Variants in LRRTM4 observed in about 807,000 individuals in gnomAD.
LRRTM4 encodes the protein leucine-rich repeat transmembrane neuronal protein 4.
In LRRTM4, 25 loss-of-function variants were observed where a neutral mutation model predicts 47.6. The ratio of observed to expected loss-of-function variants is 0.53; its 90% CI spans 0.38 to 0.73. The LOEUF is 0.73. LRRTM4 is among the 30% of genes least tolerant of loss of function. The probability of loss-of-function intolerance (pLI) is 0.00; values close to 1 mark genes in which losing one functional copy is unlikely to be tolerated. For missense variants in LRRTM4, 638 were observed against 713.4 expected (o/e 0.89, Z 1.20); for synonymous variants, 311 against 269.5 (o/e 1.15, Z -1.51).
intron 3 of LRRTM4, among the ~76,000 whole-genome samples, chr2:77,080,598 T>C (rs1468548261): frequency 6.6e-6 from 1 of 152,168 alleles, no homozygotes; most frequent in African/African-American, 2.4e-5. Context: ...TTAATGGAAA[T>C]TCTGTCTCCA....
intron 3 of LRRTM4, among the ~76,000 whole-genome samples, chr2:77,230,194 C>T (rs1674925857): frequency 6.6e-6 from 1 of 152,104 alleles, no homozygotes; most frequent in Non-Finnish European, 1.5e-5. Flanking sequence ...CTTTCAACAC[C>T]TATACTAAAC....
intron 3 of LRRTM4, among the ~76,000 whole-genome samples, chr2:77,202,394 T>C (rs1027436983): frequency 2.6e-5 from 4 of 152,144 alleles, no homozygotes; most frequent in African/African-American, 9.7e-5. Flanking sequence ...ATAATATTAC[T>C]ACCAATTATT....
chr2:77,089,200 C>T (rs945696156), intron 3 of LRRTM4, among the ~76,000 whole-genome samples: 3 of 143,924 alleles, frequency 2.1e-5, no homozygotes, highest in East Asian at 2.1e-4. Flanking sequence ...CCCTTCTCTG[C>T]TTTTCCAGGG....
At chr2:77,168,434 A>T (rs553310386) in intron 3 of LRRTM4, among the ~76,000 whole-genome samples, 5 of 152,182 alleles carry the variant, frequency 3.3e-5, no homozygotes, top group African/African-American at 1.2e-4. Flanking sequence ...ATTTATACAT[A>T]ATAATTATAC....
At chr2:77,054,767 G>T (rs956699148) in intron 3 of LRRTM4, among the ~76,000 whole-genome samples, 1 of 152,154 alleles carries the variant, frequency 6.6e-6, no homozygotes, top group Admixed American at 6.5e-5. Flanking sequence ...TTTAAAAGTA[G>T]AAACAATCAG....
intron 3 of LRRTM4, among the ~76,000 whole-genome samples, chr2:77,131,934 G>A (rs1182321415): frequency 6.6e-6 from 1 of 152,082 alleles, no homozygotes; most frequent in African/African-American, 2.4e-5. Flanking sequence ...TACATGATTA[G>A]AATGTATAAT....
chr2:77,059,156 G>T (rs1208702232), intron 3 of LRRTM4, among the ~76,000 whole-genome samples: 2 of 152,016 alleles, frequency 1.3e-5, no homozygotes, highest in Non-Finnish European at 2.9e-5. Context: ...TTTATACATG[G>T]TTATTTAGCA....
chr2:76,945,817 A>G (rs996871332), intron 3 of LRRTM4, among the ~76,000 whole-genome samples: 1 of 151,842 alleles, frequency 6.6e-6, no homozygotes, highest in African/African-American at 2.4e-5. Context: ...AGAAAAGTAG[A>G]CTTTTGTAAT....
intron 3 of LRRTM4, among the ~76,000 whole-genome samples, chr2:77,043,020 C>T (rs939821821): frequency 6.6e-6 from 1 of 151,720 alleles, no homozygotes; most frequent in Admixed American, 6.6e-5. Flanking sequence ...TATGCTGGGA[C>T]TCGTGAGATT....
At position 76,816,022 on chromosome 2, in the gene LRRTM4, G is replaced by A. The variant is rs1462016105; in HGVS notation, c.1552-67106C>T. Among the ~76,000 whole-genome samples, 3 of 151,810 alleles carry A rather than the reference G, an allele frequency of 2.0e-5. No individual in the cohort carries two copies. In the East Asian group the frequency reaches 5.8e-4, roughly 29 times the overall value. On this transcript the variant is annotated intron_variant, in intron 3 of 3. Transcript: ENST00000409884. ...GATGGGGAGGTATTGGAATTCCTTA[G>A]ACTCATGTCTCTATTTAATCCTCCC...
intron 3 of LRRTM4, among the ~76,000 whole-genome samples, chr2:77,032,731 T>A (rs532189408): frequency 3.2e-4 from 48 of 152,248 alleles, no homozygotes; most frequent in African/African-American, 9.9e-4. Flanking sequence ...GGATCTTCTT[T>A]AAGACTTACC....
At chr2:77,034,981 G>T (rs1208990447) in intron 3 of LRRTM4, among the ~76,000 whole-genome samples, 1 of 151,726 alleles carries the variant, frequency 6.6e-6, no homozygotes, top group Non-Finnish European at 1.5e-5. Flanking sequence ...TCAAGAAAAT[G>T]AATTGGTTTC....
chr2:76,837,871 A>G (rs1051883838), intron 3 of LRRTM4, among the ~76,000 whole-genome samples: 6 of 148,906 alleles, frequency 4.0e-5, no homozygotes, highest in East Asian at 2.1e-4. Context: ...TCACTCATAG[A>G]TGGGAATTGA....
chr2:76,838,777 C>T (rs773677686), intron 3 of LRRTM4, among the ~76,000 whole-genome samples: 1 of 152,006 alleles, frequency 6.6e-6, no homozygotes, highest in Non-Finnish European at 1.5e-5. Flanking sequence ...GAACATGGGA[C>T]ATGTTAATAA....
At chr2:77,260,468 A>T (rs1026645057) in intron 3 of LRRTM4, among the ~76,000 whole-genome samples, 1 of 151,736 alleles carries the variant, frequency 6.6e-6, no homozygotes, top group Admixed American at 6.6e-5. Flanking sequence ...ATACAGTACT[A>T]TACAAGTGGA....
intron 3 of LRRTM4, among the ~76,000 whole-genome samples, chr2:76,783,070 G>T (rs1450442095): frequency 6.6e-6 from 1 of 152,146 alleles, no homozygotes; most frequent in East Asian, 1.9e-4. Flanking sequence ...GGTGCAGGAA[G>T]TTGCAGTACA....
intron 3 of LRRTM4, among the ~76,000 whole-genome samples, chr2:76,909,414 C>T (rs1352210118): frequency 6.6e-6 from 1 of 152,046 alleles, no homozygotes; most frequent in Non-Finnish European, 1.5e-5. Flanking sequence ...TAGGCATTAC[C>T]ATTCAGGACA....
chr2:77,398,264 T>C (rs533347281), intron 3 of LRRTM4, among the ~76,000 whole-genome samples: 5 of 152,042 alleles, frequency 3.3e-5, no homozygotes, highest in African/African-American at 7.2e-5. Context: ...TCATAACAGA[T>C]AATACATAAG....
chr2:76,900,566 T>C (rs1193385301), intron 3 of LRRTM4, among the ~76,000 whole-genome samples: 2 of 152,120 alleles, frequency 1.3e-5, no homozygotes, highest in Non-Finnish European at 2.9e-5. Flanking sequence ...TCTATAAAGA[T>C]TTCTTAAATA....
Sources: gnomAD v4.1 joint callset for allele counts (sites outside exome capture counted in the v4.1 genomes callset) on GRCh38, gnomAD v4.1.1 for gene constraint, MANE v1.5 for transcripts, NCBI Gene and HGNC (gene_info 2026-07-23, HGNC 2026-07-21) for gene names.